The following RBFOX1 variants were observed in gnomAD, a reference collection of about 807,000 sequenced individuals.
RBFOX1 encodes RNA binding protein fox-1 homolog 1.
A neutral mutation model predicts 57.7 loss-of-function variants in RBFOX1; 8 were observed. That is an observed-to-expected ratio of 0.14 (90% confidence interval 0.08 to 0.25). The LOEUF is 0.25. Ranked by LOEUF, RBFOX1 falls within the 10% of genes least tolerant of loss-of-function variation. The pLI is 1.00. For synonymous variants in RBFOX1, 326 were observed against 222.4 expected (o/e 1.47, Z -4.15); for missense variants, 611 against 548.5 (o/e 1.11, Z -1.14).
chr16:6,888,309 A>G (rs1002620588), intron 3 of RBFOX1, among the ~76,000 whole-genome samples: 6 of 152,224 alleles, frequency 3.9e-5, no homozygotes, highest in Non-Finnish European at 5.9e-5. Flanking sequence ...TCTTGAAAGT[A>G]GTTACACAGT....
At chr16:6,749,601 C>T (rs1228103674) in intron 3 of RBFOX1, among the ~76,000 whole-genome samples, 5 of 152,130 alleles carry the variant, frequency 3.3e-5, no homozygotes, top group Non-Finnish European at 7.3e-5. Flanking sequence ...ATTCATTGCA[C>T]CGTTTATTGA....
chr16:7,023,212 C>T (rs1447340940), intron 3 of RBFOX1, among the ~76,000 whole-genome samples: 1 of 152,004 alleles, frequency 6.6e-6, no homozygotes, highest in Non-Finnish European at 1.5e-5. Context: ...CATGGTAGCT[C>T]ATGACTATAA....
rs115092848 is a variant in RBFOX1 at position 6,736,885 on chromosome 16, C to A, written c.-16+82235C>A. On this transcript the variant is annotated intron_variant, in intron 3 of 15. Transcript: ENST00000550418. Reference sequence around the variant, plus strand: ...AGAGTCTGAAGCAATTGATTTGGAGCCTAGGTATAGACTTAGCAGGGAGGA... The same window carrying A: ...AGAGTCTGAAGCAATTGATTTGGAGACTAGGTATAGACTTAGCAGGGAGGA... 6.6e-5 allele frequency among the ~76,000 whole-genome samples: 10 copies of A among 152,230 alleles called. 1 individual carries two copies. Among genetic ancestry groups the A allele is most frequent in the Admixed American group, 2.6e-4 (4 of 15,288 alleles).
chr16:6,873,428 C>T (rs369785803), intron 3 of RBFOX1, among the ~76,000 whole-genome samples: 1 of 152,112 alleles, frequency 6.6e-6, no homozygotes, highest in Non-Finnish European at 1.5e-5. Flanking sequence ...ACTATGACTA[C>T]CTATTTCAAA....
chr16:6,723,492 A>G (rs960824477), intron 3 of RBFOX1, among the ~76,000 whole-genome samples: 1 of 152,230 alleles, frequency 6.6e-6, no homozygotes, highest in African/African-American at 2.4e-5. Flanking sequence ...GGGTAGAAAA[A>G]ATAATACAAT....
chr16:6,101,690 G>C (rs1254331937), intron 1 of RBFOX1, among the ~76,000 whole-genome samples: 2 of 152,104 alleles, frequency 1.3e-5, no homozygotes, highest in East Asian at 1.9e-4. Context: ...GGGAAGCTGA[G>C]GTGGGTGGAT....
chr16:6,718,211 A>G (rs1568338362), intron 3 of RBFOX1, among the ~76,000 whole-genome samples: 2 of 152,202 alleles, frequency 1.3e-5, no homozygotes, highest in South Asian at 4.1e-4. Flanking sequence ...TGAAATAATA[A>G]CAGCAATTAA....
chr16:5,799,595 T>C (rs1215590353), intron 3 of RBFOX1, among the ~76,000 whole-genome samples: 2 of 152,222 alleles, frequency 1.3e-5, no homozygotes, highest in African/African-American at 2.4e-5. Flanking sequence ...ATTCAACATG[T>C]TATTATAAAA....
In RBFOX1 at chr16:5,377,664, A is replaced by G. The variant is rs543407188; in HGVS notation, c.220-89552A>G. Among the ~76,000 whole-genome samples, 18 of 151,340 alleles carry G rather than the reference A, an allele frequency of 1.2e-4. 4 individuals carry two copies. Among genetic ancestry groups the G allele is most frequent in the African/African-American group, 3.7e-4 (15 of 40,686 alleles). On this transcript the variant is annotated intron_variant, in intron 1 of 2. Transcript: ENST00000585867. ...AGAATGAGAGAAGGCGGAGGCAGAG[A>G]CGGAAGTTGAATGCGGACCTAGAGG...
intron 3 of RBFOX1, among the ~76,000 whole-genome samples, chr16:7,039,107 C>T (rs1450546824): frequency 3.9e-5 from 6 of 152,158 alleles, no homozygotes; most frequent in Non-Finnish European, 8.8e-5. Flanking sequence ...ATAGGTCATT[C>T]GAGTGCTAAG....
At chr16:6,161,126 T>A (rs547691732) in intron 1 of RBFOX1, among the ~76,000 whole-genome samples, 4 of 152,250 alleles carry the variant, frequency 2.6e-5, no homozygotes, top group Admixed American at 2.6e-4. Flanking sequence ...CAGTGACTCA[T>A]GCTTGTCATC....
intron 1 of RBFOX1, among the ~76,000 whole-genome samples, chr16:5,454,966 T>C (rs34340803): frequency 0.018 from 1,016 of 56,372 alleles, 2 homozygotes; most frequent in Non-Finnish European, 0.028. Flanking sequence ...TTCCTTTCTT[T>C]CTTTCTTTCT....
chr16:6,462,542 T>C (rs903878516), intron 2 of RBFOX1, among the ~76,000 whole-genome samples: 2 of 152,198 alleles, frequency 1.3e-5, no homozygotes, highest in African/African-American at 2.4e-5. Flanking sequence ...ATTTGTGTAT[T>C]TTTTTCTTCT....
chr16:6,669,414 G>A (rs562453420), intron 3 of RBFOX1, among the ~76,000 whole-genome samples: 33 of 152,160 alleles, frequency 2.2e-4, no homozygotes, highest in African/African-American at 7.7e-4. Context: ...TTTTTACTGT[G>A]GCCATCTTAA....
chr16:7,414,425 T>C (rs960242673), intron 4 of RBFOX1, among the ~76,000 whole-genome samples: 1 of 152,182 alleles, frequency 6.6e-6, no homozygotes, highest in African/African-American at 2.4e-5. Context: ...AAGAAAAATA[T>C]TGAAAAATCT....
intron 1 of RBFOX1, among the ~76,000 whole-genome samples, chr16:6,229,227 C>G (rs17139605): frequency 0.19 from 28,549 of 152,032 alleles, 3,405 homozygotes; most frequent in East Asian, 0.41. Flanking sequence ...ATTGCTTTAG[C>G]TGTTAAAATA....
At chr16:7,584,796 C>T (rs1446436133) in intron 6 of RBFOX1, among the ~76,000 whole-genome samples, 2 of 152,102 alleles carry the variant, frequency 1.3e-5, no homozygotes, top group South Asian at 2.1e-4. Flanking sequence ...AAATATAGTA[C>T]ACAACTGTCT....
At chr16:7,632,613 C>A (rs1322274518) in intron 11 of RBFOX1, among the ~76,000 whole-genome samples, 1 of 152,196 alleles carries the variant, frequency 6.6e-6, no homozygotes, top group Admixed American at 6.5e-5. Flanking sequence ...ATTTACCTAG[C>A]CTTCCTCGTC....
intron 3 of RBFOX1, among the ~76,000 whole-genome samples, chr16:5,625,533 T>TATTTATTTA (rs1392302775): frequency 2.2e-4 from 28 of 129,770 alleles, no homozygotes; most frequent in African/African-American, 8.6e-4. Context: ...TTAATATTTT[T>TATTTATTTA]TGTTATTTAT....
Sources: gnomAD v4.1 joint callset for allele counts (sites outside exome capture counted in the v4.1 genomes callset) on GRCh38, gnomAD v4.1.1 for gene constraint, MANE v1.5 for transcripts, NCBI Gene and HGNC (gene_info 2026-07-23, HGNC 2026-07-21) for gene names.